Variants in HYKK observed in about 807,000 individuals in gnomAD.
HYKK encodes 5-hydroxy-L-lysine kinase.
HYKK carries 19 observed loss-of-function variants against 29.7 expected under a neutral mutation model. That is an observed-to-expected ratio of 0.64 (90% CI 0.45 to 0.94). The LOEUF (loss-of-function observed/expected upper bound fraction) is 0.94. Among genes scored for constraint, HYKK ranks in the 40% least tolerant of loss-of-function variants. The pLI is 0.00. For synonymous variants in HYKK, 152 were observed against 158.1 expected, an observed-to-expected ratio of 0.96 and a Z score of 0.29; for missense variants, 390 against 443.4, an observed-to-expected ratio of 0.88 and a Z score of 1.08.
intron 1 of HYKK, among the ~76,000 whole-genome samples, chr15:78,509,115 A>G (rs750672267): frequency 2.6e-5 from 4 of 152,138 alleles, no homozygotes; most frequent in African/African-American, 4.8e-5. Context: ...TCTGATAAAC[A>G]TATTTTTTTC....
chr15:78,508,880 C>CAAAAAAAAAAAAAAA lies in HYKK; in HGVS notation c.-6+1215_-6+1229dup, dbSNP rs71148531. 4.7e-4 allele frequency among the ~76,000 whole-genome samples: 26 copies of CAAAAAAAAAAAAAAA among 55,616 alleles called. 5 individuals carry two copies. The highest frequency in any genetic ancestry group is 8.9e-4 in the African/African-American group (12 of 13,546). The allele number at this position is 55,616 out of a possible 152,430, so 36.5% of individuals were successfully genotyped here. Reference sequence around the variant, plus strand: ...GCAACATAGTGGGACCCTCTCTCTCCAAAAAAAAAAAAAAAAAAAAGGCCA... The same window carrying CAAAAAAAAAAAAAAA: ...GCAACATAGTGGGACCCTCTCTCTCCAAAAAAAAAAAAAAAAAAAAAAAAAAAAAAAAAAAGGCCA... On this transcript the variant is annotated intron_variant, in intron 1 of 4. Coordinates refer to ENST00000388988, the MANE Select transcript of HYKK (RefSeq NM_001013619.4).
chr15:78,522,102 G>A (rs12914694), intron 3 of HYKK, among the ~76,000 whole-genome samples: 46,153 of 150,996 alleles, frequency 0.31, 8,305 homozygotes, highest in Non-Finnish European at 0.42. Flanking sequence ...GAGCCATGAC[G>A]CCCAGCTATT....
intron 3 of HYKK, among the ~76,000 whole-genome samples, chr15:78,515,628 G>A (rs372702385): frequency 3.4e-4 from 50 of 145,824 alleles, no homozygotes; most frequent in Middle Eastern, 7.7e-3. Flanking sequence ...TCGCTCTGTC[G>A]TCCAGGCTGG....
At chr15:78,521,906 T>A (rs1272579348) in intron 3 of HYKK, among the ~76,000 whole-genome samples, 1 of 151,972 alleles carries the variant, frequency 6.6e-6, no homozygotes, top group African/African-American at 2.4e-5. Flanking sequence ...AGAAGCTGAC[T>A]CAGAGCCTTC....
In HYKK at chr15:78,513,399, A is replaced by G. The variant is rs2052095592; in HGVS notation, c.311A>G (p.Asp104Gly). ...GCCTCTGTGTGTCACACTAAAGGAG[A>G]CAACACAGCTTCTCTCGTGTCTGTA... ...PTASVCHTKG[D>G]NTASLVSVDS... The change falls in exon 2 of 5, where the codon GAC becomes GGC. Residue 104 changes from aspartate to glycine, a missense_variant. Asp to Gly is a moderately conservative substitution (Grantham distance 94). Coordinates refer to ENST00000388988, the MANE Select transcript of HYKK (RefSeq NM_001013619.4). 1 of 1,613,576 alleles carries G rather than the reference A, an allele frequency of 6.2e-7. No individual in the cohort carries two copies. Among genetic ancestry groups the G allele is most frequent in the South Asian group, 1.1e-5 (1 of 91,024 alleles).
chr15:78,519,706 A>C (rs929270179), intron 3 of HYKK, among the ~76,000 whole-genome samples: 4 of 152,216 alleles, frequency 2.6e-5, no homozygotes, highest in African/African-American at 9.6e-5. Context: ...GGTTGCAGTG[A>C]GGCGAGACCG....
intron 1 of HYKK, among the ~76,000 whole-genome samples, chr15:78,510,532 T>C (rs1331754691): frequency 2.6e-4 from 39 of 152,068 alleles, no homozygotes; most frequent in Admixed American, 2.6e-3. Flanking sequence ...CAGGCCATAG[T>C]CCTAGGACTG....
chr15:78,528,485 C>T (rs2052279983), intron 4 of HYKK: 1 of 985,292 alleles, frequency 1.0e-6, no homozygotes, highest in Admixed American at 6.2e-5. Context: ...CCAGCCTTTT[C>T]ATCCAGCATT....
chr15:78,523,036 T>G (rs190042634), intron 3 of HYKK, among the ~76,000 whole-genome samples: 103 of 152,196 alleles, frequency 6.8e-4, no homozygotes, highest in African/African-American at 2.4e-3. Context: ...AGAGGCAGAT[T>G]TTAACTGCAC....
In HYKK at chr15:78,520,619, A is replaced by G. The variant is rs1251579308; in HGVS notation, c.477+5512A>G. 3.3e-5 allele frequency among the ~76,000 whole-genome samples: 5 copies of G among 152,170 alleles called. 1 individual carries two copies. Among genetic ancestry groups the G allele is most frequent in the African/African-American group, 1.2e-4 (5 of 41,436 alleles). On this transcript the variant is annotated intron_variant, in intron 3 of 4. Transcript: ENST00000388988. ...TTTTCTTAGTACAGAACAAAATGAAAAGTCTCCCAGGTCTACTTCTTTCTA... is the reference window on the plus strand; with the variant it reads ...TTTTCTTAGTACAGAACAAAATGAAGAGTCTCCCAGGTCTACTTCTTTCTA...
At chr15:78,524,821 A>G (rs958236615) in intron 3 of HYKK, among the ~76,000 whole-genome samples, 1 of 151,982 alleles carries the variant, frequency 6.6e-6, no homozygotes, top group African/African-American at 2.4e-5. Context: ...AAACAAACAA[A>G]CAAACAACAA....
chr15:78,524,890 T>C (rs1037539992), intron 3 of HYKK, among the ~76,000 whole-genome samples: 2 of 152,102 alleles, frequency 1.3e-5, no homozygotes, highest in African/African-American at 4.8e-5. Flanking sequence ...CACCAAAGGA[T>C]AGTGCTAAAC....
intron 4 of HYKK, 128 bp downstream of exon 4, chr15:78,527,691 CT>C: frequency 7.1e-7 from 1 of 1,418,410 alleles, no homozygotes; most frequent in Non-Finnish European, 9.2e-7. Context: ...GCTCCTATTG[CT>C]TTTTAAATAA....
chr15:78,515,749 C>T (rs1200656457), intron 3 of HYKK, among the ~76,000 whole-genome samples: 3 of 152,030 alleles, frequency 2.0e-5, no homozygotes, highest in Admixed American at 1.3e-4. Context: ...CCACCACGCC[C>T]GGCTAATTTT....
intron 3 of HYKK, among the ~76,000 whole-genome samples, chr15:78,518,291 G>A (rs919871120): frequency 1.3e-5 from 2 of 152,116 alleles, no homozygotes; most frequent in African/African-American, 4.8e-5. Context: ...AGGCTCAAGG[G>A]ATTCTCCTGC....
At chr15:78,513,517 T>A (rs1485722952) in intron 2 of HYKK, 92 bp downstream of exon 2, 4 of 877,232 alleles carry the variant, frequency 4.6e-6, no homozygotes, top group Non-Finnish European at 7.1e-6. Context: ...AGGTTCATAA[T>A]TCCAAGTGTA....
intron 4 of HYKK, chr15:78,528,329 C>A (rs949098844): frequency 8.2e-6 from 5 of 609,912 alleles, no homozygotes; most frequent in Middle Eastern, 8.3e-4. Flanking sequence ...CAAAACCATC[C>A]TTCCGCTGTC....
intron 2 of HYKK, 60 bp downstream of exon 2, chr15:78,513,485 C>T (rs1429357801): frequency 5.4e-5 from 66 of 1,230,848 alleles, no homozygotes; most frequent in Non-Finnish European, 7.5e-5. Context: ...GCATTTTGGC[C>T]ACAAGTAGAA....
intron 3 of HYKK, among the ~76,000 whole-genome samples, chr15:78,518,021 C>G (rs1296566527): frequency 1.3e-5 from 2 of 152,166 alleles, no homozygotes; most frequent in African/African-American, 2.4e-5. Flanking sequence ...CTGCAGCTCT[C>G]CCATCCCTGG....
Sources: gnomAD v4.1 joint callset for allele counts (sites outside exome capture counted in the v4.1 genomes callset) on GRCh38, gnomAD v4.1.1 for gene constraint, MANE v1.5 for transcripts, NCBI Gene and HGNC (gene_info 2026-07-23, HGNC 2026-07-21) for gene names.